Variants in NCKAP1 observed in about 807,000 individuals in gnomAD.
NCKAP1 encodes nck-associated protein 1.
In NCKAP1, 21 loss-of-function variants were observed where a neutral mutation model predicts 151.2. The observed-to-expected ratio is 0.14, with a 90% CI of 0.10 to 0.20. The LOEUF is 0.20. Among genes scored for constraint, NCKAP1 ranks in the 10% least tolerant of loss-of-function variants. The probability of loss-of-function intolerance (pLI) is 1.00; values close to 1 mark genes in which losing one functional copy is unlikely to be tolerated. For synonymous variants in NCKAP1, 484 were observed against 451.8 expected, an observed-to-expected ratio of 1.07 and a Z score of -0.90; for missense variants, 933 against 1,352.1, an observed-to-expected ratio of 0.69 and a Z score of 4.86.
rs1026046085 is a variant in NCKAP1, at chr2:183,037,876, G to A, written c.108+116C>T. On this transcript the variant is annotated intron_variant, in intron 1 of 30. Coordinates refer to ENST00000361354, the MANE Select transcript of NCKAP1 (RefSeq NM_013436.5). ...GACCCCGGGCCGGGCCTCGGGCGGCGACGCCGAGATTTCTACACCCGGCGC... is the reference window on the plus strand; with the variant it reads ...GACCCCGGGCCGGGCCTCGGGCGGCAACGCCGAGATTTCTACACCCGGCGC... 23 of 753,558 alleles carry A rather than the reference G, an allele frequency of 3.1e-5. 1 individual carries two copies. Among genetic ancestry groups the A allele is most frequent in the Non-Finnish European group, 9.6e-6 (5 of 518,394 alleles). The allele number at this position is 753,558 out of a possible 1,614,324, so 46.7% of individuals were successfully genotyped here.
intron 19 of NCKAP1, 35 bp from the exon 20 acceptor site, chr2:182,956,628 A>C (rs1224962195): frequency 5.7e-6 from 9 of 1,571,872 alleles, no homozygotes; most frequent in Non-Finnish European, 7.7e-6. Context: ...AAATGTTCAC[A>C]TGTCATCACA....
chr2:182,963,635 T>C (rs894293891), intron 17 of NCKAP1, among the ~76,000 whole-genome samples: 3 of 152,008 alleles, frequency 2.0e-5, no homozygotes, highest in Non-Finnish European at 2.9e-5. Flanking sequence ...ATAATGACAA[T>C]AGCAATGGAA....
At chr2:182,981,736 C>T (rs563888553) in intron 12 of NCKAP1, among the ~76,000 whole-genome samples, 59 of 151,272 alleles carry the variant, frequency 3.9e-4, no homozygotes, top group Non-Finnish European at 7.1e-4. Flanking sequence ...TGGTAAAATC[C>T]CATCTCTACT....
intron 2 of NCKAP1, among the ~76,000 whole-genome samples, chr2:183,018,238 C>A (rs1243783969): frequency 1.3e-5 from 2 of 152,076 alleles, no homozygotes. Flanking sequence ...CAGAGCAAGA[C>A]TCCGTCTCAA....
intron 2 of NCKAP1, 58 bp from the exon 3 acceptor site, chr2:183,003,383 T>C: frequency 2.0e-6 from 2 of 987,928 alleles, no homozygotes; most frequent in Non-Finnish European, 3.1e-6. Flanking sequence ...TTAATTTTAC[T>C]ACAAACTATC....
intron 23 of NCKAP1, among the ~76,000 whole-genome samples, chr2:182,946,493 T>G (rs1007603019): frequency 6.6e-6 from 1 of 151,920 alleles, no homozygotes. Context: ...TGGGTACTTA[T>G]GCTTACTACC....
At position 182,990,197 on chromosome 2, in the gene NCKAP1, T is replaced by C. The variant is rs560844071; in HGVS notation, c.791-1011A>G. Among the ~76,000 whole-genome samples, 3 of 152,026 alleles carry C rather than the reference T, an allele frequency of 2.0e-5. No homozygotes were observed. In the South Asian group the frequency reaches 6.2e-4, roughly 32 times the overall value. ...GTAGTAGACAAGACAGGTGGTATTC[T>C]TTCTTTTTTTTTCTCTTTTTGGTAG... On this transcript the variant is annotated intron_variant, in intron 8 of 30. Transcript: ENST00000361354.
At chr2:183,008,646 C>T (rs766750854) in intron 2 of NCKAP1, among the ~76,000 whole-genome samples, 1 of 152,192 alleles carries the variant, frequency 6.6e-6, no homozygotes, top group Non-Finnish European at 1.5e-5. Context: ...AGCTTACTCC[C>T]TCACCTCACT....
chr2:182,993,198 T>C (rs1214280090), intron 8 of NCKAP1, among the ~76,000 whole-genome samples: 1 of 152,202 alleles, frequency 6.6e-6, no homozygotes, highest in Non-Finnish European at 1.5e-5. Context: ...TCCAGATTAC[T>C]TGTAATACCT....
intron 24 of NCKAP1, among the ~76,000 whole-genome samples, chr2:182,940,923 A>C (rs566541008): frequency 2.6e-5 from 4 of 152,370 alleles, no homozygotes; most frequent in Admixed American, 2.6e-4. Flanking sequence ...GGTAATCTTT[A>C]ATTTTTATTC....
chr2:183,008,393 C>T lies in NCKAP1; in HGVS notation c.220-5068G>A, dbSNP rs78702525. ...TCAATACAAAAATCATTTTTTAATT[C>T]CAACAGTTTCACCTCACAATTAGAA... On this transcript the variant is annotated intron_variant, in intron 2 of 30. Coordinates refer to ENST00000361354, the MANE Select transcript of NCKAP1 (RefSeq NM_013436.5). Among the ~76,000 whole-genome samples, 132 of 152,188 alleles carry T rather than the reference C, an allele frequency of 8.7e-4. No individual in the cohort carries two copies. In the East Asian group the frequency reaches 0.016, roughly 18 times the overall value.
intron 9 of NCKAP1, among the ~76,000 whole-genome samples, chr2:182,987,858 A>C (rs1559095008): frequency 6.6e-6 from 1 of 152,186 alleles, no homozygotes; most frequent in Non-Finnish European, 1.5e-5. Flanking sequence ...AGAAATCAGA[A>C]TAGTAGTCAC....
At chr2:182,937,458 AATAGGT>A (rs1189938521) in intron 24 of NCKAP1, among the ~76,000 whole-genome samples, 28 of 152,290 alleles carry the variant, frequency 1.8e-4, no homozygotes, top group African/African-American at 6.7e-4. Flanking sequence ...CAGGCAAACA[AATAGGT>A]AGTGGGGGAC....
intron 1 of NCKAP1, among the ~76,000 whole-genome samples, chr2:183,037,299 G>C (rs1055282762): frequency 3.3e-5 from 5 of 152,304 alleles, no homozygotes; most frequent in African/African-American, 1.2e-4. Flanking sequence ...ACATGAGGAG[G>C]AGTACAGGGG....
intron 17 of NCKAP1, among the ~76,000 whole-genome samples, chr2:182,963,120 CTT>C (rs1188965028): frequency 1.3e-5 from 2 of 151,840 alleles, no homozygotes; most frequent in Non-Finnish European, 2.9e-5. Context: ...TAGAAAATAA[CTT>C]TTCCTAGATC....
intron 11 of NCKAP1, 143 bp downstream of exon 11, chr2:182,983,143 T>G: frequency 2.8e-6 from 2 of 715,646 alleles, no homozygotes; most frequent in Non-Finnish European, 4.6e-6. Flanking sequence ...TGTATGAATG[T>G]CAAGTCAGCA....
intron 1 of NCKAP1, among the ~76,000 whole-genome samples, chr2:183,031,141 T>C (rs1235854727): frequency 2.0e-5 from 3 of 152,182 alleles, no homozygotes; most frequent in African/African-American, 7.2e-5. Flanking sequence ...AAATCACAGT[T>C]ATTGTCCTTT....
At position 182,929,673 on chromosome 2, in the gene NCKAP1, C is replaced by T. The variant is rs1696720051; in HGVS notation, c.2954-774G>A. 2.6e-5 allele frequency among the ~76,000 whole-genome samples: 4 copies of T among 150,984 alleles called. No individual in the cohort carries two copies. The South Asian group carries it at 6.3e-4, about 24-fold the overall frequency. ...ATTTGGTCGACTACAAAAAATACAG[C>T]TGTAGCAAATCAAGTAATAATTATA... On this transcript the variant is annotated intron_variant, in intron 27 of 30. Transcript: ENST00000361354.
In NCKAP1 at chr2:182,922,081, A is replaced by AC. The variant is rs1182157480; in HGVS notation, c.*3620dup. On this transcript the variant is annotated 3_prime_UTR_variant, in exon 31 of 31. Coordinates refer to ENST00000361354, the MANE Select transcript of NCKAP1 (RefSeq NM_013436.5). ...ATGGTTCATGCTGTCATTTCAAGTG[A>AC]CTACAAAGAAGAAATGAAAGAAAGA... is the stretch of plus-strand genomic sequence containing the variant. 6 of 152,330 alleles carry AC rather than the reference A, an allele frequency of 3.9e-5. No individual in the cohort carries two copies. The South Asian group carries it at 1.0e-3, about 26-fold the overall frequency. The allele number at this position is 152,330 out of a possible 1,614,324, so 9.4% of individuals were successfully genotyped here. A position where few individuals can be genotyped will look rare whatever the true frequency, so the allele number is the denominator to read the frequency against.
Sources: gnomAD v4.1 joint callset for allele counts (sites outside exome capture counted in the v4.1 genomes callset) on GRCh38, gnomAD v4.1.1 for gene constraint, MANE v1.5 for transcripts, NCBI Gene and HGNC (gene_info 2026-07-23, HGNC 2026-07-21) for gene names.